The following TCF4 variants were observed in gnomAD, a reference collection of about 807,000 sequenced individuals.
TCF4 encodes the protein SL3-3 enhancer factor 2.
Under a neutral mutation model 82.1 loss-of-function variants are expected in TCF4, and 3 were observed. That is an observed-to-expected ratio of 0.04 (90% confidence interval 0.02 to 0.09). The LOEUF (loss-of-function observed/expected upper bound fraction) is 0.09. TCF4 is among the 10% of genes least tolerant of loss of function. TCF4 has a pLI of 1.00. For missense variants in TCF4, 518 were observed against 852.7 expected, an observed-to-expected ratio of 0.61 and a Z score of 4.89; for synonymous variants, 276 against 309.6, an observed-to-expected ratio of 0.89 and a Z score of 1.14.
intron 8 of TCF4, among the ~76,000 whole-genome samples, chr18:55,320,387 C>T (rs2075201189): frequency 6.6e-6 from 1 of 152,156 alleles, no homozygotes; most frequent in Non-Finnish European, 1.5e-5. Context: ...TTTACTCGTA[C>T]TTTTCAAAAT....
intron 3 of TCF4, among the ~76,000 whole-genome samples, chr18:55,577,882 T>C (rs2097543841): frequency 6.6e-6 from 1 of 152,148 alleles, no homozygotes. Flanking sequence ...CAGTCCAGTT[T>C]AACTATTTGA....
At chr18:55,376,240 G>C (rs1269184709) in intron 6 of TCF4, among the ~76,000 whole-genome samples, 31 of 151,838 alleles carry the variant, frequency 2.0e-4, no homozygotes, top group Non-Finnish European at 7.4e-5. Context: ...TGCCCAGGCT[G>C]GTCTTGAACT....
At chr18:55,579,219 T>C (rs935497309) in intron 3 of TCF4, among the ~76,000 whole-genome samples, 8 of 151,796 alleles carry the variant, frequency 5.3e-5, no homozygotes, top group Non-Finnish European at 1.0e-4. Context: ...ATAAAACCCA[T>C]GTGCATACCT....
intron 6 of TCF4, among the ~76,000 whole-genome samples, chr18:55,373,462 T>C (rs1163193464): frequency 6.6e-6 from 1 of 152,024 alleles, no homozygotes; most frequent in Admixed American, 6.6e-5. Flanking sequence ...CAAATATCTC[T>C]CAGAAATTTA....
At chr18:55,228,084 A>T (rs376815766) in intron 19 of TCF4, 54 bp from the exon 20 acceptor site, 2 of 1,114,218 alleles carry the variant, frequency 1.8e-6, no homozygotes, top group South Asian at 1.5e-5. Context: ...TAACAGAAAA[A>T]GTATGCTTTT....
intron 15 of TCF4, among the ~76,000 whole-genome samples, chr18:55,246,368 C>T (rs2053179643): frequency 6.6e-6 from 1 of 151,894 alleles, no homozygotes; most frequent in African/African-American, 2.4e-5. Flanking sequence ...TTTGTTTGTC[C>T]TAGGTGCAGA....
intron 3 of TCF4, among the ~76,000 whole-genome samples, chr18:55,538,024 GCGCACACACACACACACACACACA>G (rs2097133479): frequency 8.0e-6 from 1 of 125,610 alleles, no homozygotes; most frequent in Non-Finnish European, 1.6e-5. Flanking sequence ...GTCTGCGCGC[GCGCACACACACACACACACACACA>G]CACACACACA....
At chr18:55,389,132 T>A (rs954934198) in intron 6 of TCF4, among the ~76,000 whole-genome samples, 3 of 151,884 alleles carry the variant, frequency 2.0e-5, no homozygotes, top group Non-Finnish European at 4.4e-5. Flanking sequence ...TCTCAAAAAA[T>A]AAATAAATAA....
intron 8 of TCF4, among the ~76,000 whole-genome samples, chr18:55,325,122 T>C (rs1452193902): frequency 1.3e-5 from 2 of 152,202 alleles, no homozygotes; most frequent in Non-Finnish European, 2.9e-5. Flanking sequence ...AATGAATAAC[T>C]GCATTAAAGA....
rs9961100 is a variant in TCF4 at position 55,384,461 on chromosome 18, G to A, written c.369+18993C>T. Among the ~76,000 whole-genome samples, 1,308 of 152,268 alleles carry A rather than the reference G, an allele frequency of 8.6e-3. 17 individuals are homozygous for A. Among genetic ancestry groups the A allele is most frequent in the Middle Eastern group, 0.037 (11 of 294 alleles). ...CCCAGTGTCATCAGTACTGTGAGAAGGCTCAGGTCAATGCAATATGCCTAG... is the reference window on the plus strand; with the variant it reads ...CCCAGTGTCATCAGTACTGTGAGAAAGCTCAGGTCAATGCAATATGCCTAG... On this transcript the variant is annotated intron_variant, in intron 6 of 19. Coordinates refer to ENST00000354452, the MANE Select transcript of TCF4 (RefSeq NM_001083962.2).
At chr18:55,419,414 T>C (rs140760410) in intron 5 of TCF4, among the ~76,000 whole-genome samples, 1 of 152,354 alleles carries the variant, frequency 6.6e-6, no homozygotes, top group East Asian at 1.9e-4. Flanking sequence ...GCCCTTTCTT[T>C]ACACCTTTTG....
At chr18:55,568,269 A>G (rs965501071) in intron 3 of TCF4, among the ~76,000 whole-genome samples, 6 of 151,726 alleles carry the variant, frequency 4.0e-5, no homozygotes, top group African/African-American at 1.2e-4. Context: ...AATAATCCAC[A>G]AAGCCAAAAG....
chr18:55,455,499 G>A (rs1411930055), intron 5 of TCF4, among the ~76,000 whole-genome samples: 1 of 146,812 alleles, frequency 6.8e-6, no homozygotes, highest in Non-Finnish European at 1.5e-5. Flanking sequence ...AGTTGATGTC[G>A]AGATAACATC....
intron 15 of TCF4, among the ~76,000 whole-genome samples, chr18:55,240,630 G>A (rs2050922129): frequency 6.6e-6 from 1 of 152,138 alleles, no homozygotes; most frequent in South Asian, 2.1e-4. Flanking sequence ...ATACTGTGAG[G>A]AACAACACTA....
chr18:55,323,027 A>G (rs2075972646), intron 8 of TCF4, among the ~76,000 whole-genome samples: 1 of 152,246 alleles, frequency 6.6e-6, no homozygotes, highest in Non-Finnish European at 1.5e-5. Flanking sequence ...ACAACTGAAC[A>G]ATAGAATCCT....
At chr18:55,470,977 T>G (rs2096164487) in intron 3 of TCF4, among the ~76,000 whole-genome samples, 1 of 152,174 alleles carries the variant, frequency 6.6e-6, no homozygotes, top group African/African-American at 2.4e-5. Flanking sequence ...ACAGACTGCG[T>G]ACATCTGTGG....
intron 5 of TCF4, among the ~76,000 whole-genome samples, chr18:55,408,550 C>T (rs1603449936): frequency 6.6e-6 from 1 of 152,184 alleles, no homozygotes; most frequent in African/African-American, 2.4e-5. Context: ...CCATGCCTGC[C>T]TTTTCCTTCC....
chr18:55,382,709 A>G (rs930742537), intron 6 of TCF4, among the ~76,000 whole-genome samples: 1 of 152,204 alleles, frequency 6.6e-6, no homozygotes, highest in East Asian at 1.9e-4. Flanking sequence ...ATAAGAAAAA[A>G]AGAGTTAACA....
In TCF4 at chr18:55,584,501, T is replaced by G. The variant is rs776721862; in HGVS notation, c.145+779A>C. Among the ~76,000 whole-genome samples the G allele has an allele frequency of 4.7e-5, 7 of 150,528 alleles. No individual in the cohort carries two copies. In the Admixed American group the frequency reaches 4.8e-4, roughly 10 times the overall value. On this transcript the variant is annotated intron_variant, in intron 3 of 19. Coordinates refer to ENST00000354452, the MANE Select transcript of TCF4 (RefSeq NM_001083962.2). ...AAAAAATACATTTTAAATGAATATT[T>G]TCACTCTGCACTTTTAATAAGAGAT... is the stretch of plus-strand genomic sequence containing the variant.
Sources: gnomAD v4.1 joint callset for allele counts (sites outside exome capture counted in the v4.1 genomes callset) on GRCh38, gnomAD v4.1.1 for gene constraint, MANE v1.5 for transcripts, NCBI Gene and HGNC (gene_info 2026-07-23, HGNC 2026-07-21) for gene names.